Variants in NOP2 observed in about 807,000 individuals in gnomAD.
The protein encoded by NOP2 is 28S rRNA (cytosine(4447)-C(5))-methyltransferase.
In NOP2, 7 loss-of-function variants were observed where a neutral mutation model predicts 72.7. The observed-to-expected ratio is 0.10, with a 90% confidence interval of 0.05 to 0.18. The LOEUF (loss-of-function observed/expected upper bound fraction) is 0.18, where lower values mean the gene tolerates loss of function less well. Ranked by LOEUF, NOP2 falls within the 10% of genes least tolerant of loss-of-function variation. The probability of loss-of-function intolerance (pLI) is 1.00; values close to 1 mark genes in which losing one functional copy is unlikely to be tolerated. For missense variants in NOP2, 954 were observed against 1,014.7 expected (o/e 0.94, Z 0.81); for synonymous variants, 387 against 388.0 (o/e 1.00, Z 0.03).
In NOP2 at chr12:6,566,166, C is replaced by T. The variant is rs75316694; in HGVS notation, c.409G>A (p.Asp137Asn). The stretch of plus-strand genomic sequence containing the variant: ...CCATAGTCATCTACCGTATCAGCAT[C>T]GTCCTCGGAGCCCCAGAGGTCCCCG... Reference protein sequence around the residue: ...NHGDLWGSEDDADTVDDYGAD... With the variant: ...NHGDLWGSEDNADTVDDYGAD... The change falls in exon 5 of 16, where the codon GAT (aspartate) becomes AAT (asparagine). Residue 137 changes from aspartate (D) to asparagine (N), a missense_variant. Physicochemically the swap from Asp to Asn is conservative, Grantham distance 23. This residue lies in a region of NOP2 where 498 missense variants were observed against 478.3 expected (regional missense o/e 1.04). Coordinates refer to ENST00000322166, the MANE Select transcript of NOP2 (RefSeq NM_001258308.2). The T allele has an allele frequency of 9.4e-4, 1,519 of 1,614,020 alleles. 55 individuals are homozygous for T. The East Asian group carries it at 0.033, about 35-fold the overall frequency.
Position 6,556,946 on chromosome 12 carries a change from C to T in NOP2, c.*47G>A. The T allele has an allele frequency of 6.2e-7, 1 of 1,607,120 alleles. No homozygotes were observed. The highest frequency in any genetic ancestry group is 1.1e-5 in the South Asian group (1 of 90,618). ...GGCATCCTCACAGAGGCAAGAGTTC[C>T]AACCTGGTGACAATGGCAGTGAGCC... On this transcript the variant is annotated 3_prime_UTR_variant, in exon 16 of 16. Coordinates refer to ENST00000322166, the MANE Select transcript of NOP2 (RefSeq NM_001258308.2).
Position 6,561,028 on chromosome 12 carries a change from G to A in NOP2, c.1250C>T (p.Ala417Val). 6.2e-7 allele frequency: 1 copy of A among 1,613,992 alleles called. No individual in the cohort carries two copies. Among genetic ancestry groups the A allele is most frequent in the Non-Finnish European group, 8.5e-7 (1 of 1,179,898 alleles). The change falls in exon 12 of 16, where the codon GCC (alanine) becomes GTC (valine). Residue 417 changes from alanine to valine, a missense_variant. Ala to Val is a moderately conservative substitution (Grantham distance 64). Transcript: ENST00000322166. ...AACACTCTTGAGCCGCTCAGCATTG[G>A]CGTCATTGGCAAGGATCACACCCGT... The part of the protein sequence containing the change: ...KNTGVILAND[A>V]NAERLKSVVG...
In NOP2 at chr12:6,559,975, A is replaced by G. The variant is rs950840565; in HGVS notation, c.1789+123T>C. 4.7e-5 allele frequency: 34 copies of G among 721,880 alleles called. No individual in the cohort carries two copies. The African/African-American group carries it at 5.7e-4, about 12-fold the overall frequency. The allele number at this position is 721,880 out of a possible 1,614,324, so 44.7% of individuals were successfully genotyped here. On this transcript the variant is annotated intron_variant, in intron 15 of 15. Transcript: ENST00000322166. ...AATGAGAGGGTTCTCTCAGCCAAGC[A>G]TGCAAAGGCTGGAGTAAGGGATGCA...
At chr12:6,565,918 C>T (rs1423373351) in intron 5 of NOP2, among the ~76,000 whole-genome samples, 183 bp downstream of exon 5, 4 of 140,268 alleles carry the variant, frequency 2.9e-5, no homozygotes, top group Non-Finnish European at 6.0e-5. Flanking sequence ...CTCTATCCTA[C>T]AGCTCTTTCA....
At chr12:6,557,912 G>A (rs1947537912) in intron 15 of NOP2, 2 of 436,316 alleles carry the variant, frequency 4.6e-6, no homozygotes, top group Non-Finnish European at 8.3e-6. Context: ...GGAGGCCAAG[G>A]CAAGTGGATT....
chr12:6,563,781 G>A lies in NOP2; in HGVS notation c.531-10C>T. The A allele has an allele frequency of 6.2e-7, 1 of 1,612,934 alleles. No homozygotes were observed. The highest frequency in any genetic ancestry group is 8.5e-7 in the Non-Finnish European group (1 of 1,179,386). On this transcript the variant is annotated splice_polypyrimidine_tract_variant and intron_variant, in intron 6 of 15. Transcript: ENST00000322166. The stretch of plus-strand genomic sequence containing the variant: ...TTCACTCCACTGGATCCTAGAAACA[G>A]GTCCAGGAACAGAGTGATTCACAGA...
At chr12:6,557,724 TTGCC>T in intron 15 of NOP2, 82 bp from the exon 16 acceptor site, 2 of 1,421,932 alleles carry the variant, frequency 1.4e-6, no homozygotes, top group Non-Finnish European at 1.9e-6. Context: ...AATATGAGAA[TTGCC>T]ATTTCCTGGG....
Position 6,556,969 on chromosome 12 carries a change from G to A in NOP2, c.*24C>T. The A allele has an allele frequency of 1.2e-6, 2 of 1,612,998 alleles. No homozygotes were observed. The highest frequency in any genetic ancestry group is 1.7e-6 in the Non-Finnish European group (2 of 1,179,548). On this transcript the variant is annotated 3_prime_UTR_variant, in exon 16 of 16. Coordinates refer to ENST00000322166, the MANE Select transcript of NOP2 (RefSeq NM_001258308.2). ...TCCAACCTGGTGACAATGGCAGTGA[G>A]CCACCCGTCTAGTTTTCAACCATCT...
intron 7 of NOP2, 37 bp downstream of exon 7, chr12:6,563,577 C>T (rs199868176): frequency 1.2e-6 from 2 of 1,608,432 alleles, no homozygotes; most frequent in African/African-American, 2.7e-5. Flanking sequence ...TCCCAACCAC[C>T]TTCCTCCTAA....
rs370769179 is a variant in NOP2 at position 6,556,976 on chromosome 12, G to A, written c.*17C>T. 18 of 1,613,400 alleles carry A rather than the reference G, an allele frequency of 1.1e-5. No individual in the cohort carries two copies. Among genetic ancestry groups the A allele is most frequent in the South Asian group, 5.5e-5 (5 of 91,060 alleles). ...TGGTGACAATGGCAGTGAGCCACCC[G>A]TCTAGTTTTCAACCATCTAAGATAG... On this transcript the variant is annotated 3_prime_UTR_variant, in exon 16 of 16. Coordinates refer to ENST00000322166, the MANE Select transcript of NOP2 (RefSeq NM_001258308.2).
Position 6,560,511 on chromosome 12 carries a change from A to G in NOP2, c.1496T>C (p.Ile499Thr). ...CTTGGAGGTCGCATTGACAGAGTCA[A>G]TAGCACTCAGGAGCAACTCCTTCTG... is the stretch of plus-strand genomic sequence containing the variant. ...HLQKELLLSA[I>T]DSVNATSKTG... The change falls in exon 14 of 16, where the codon ATT (isoleucine) becomes ACT (threonine). Residue 499 changes from isoleucine to threonine, a missense_variant. By Grantham distance (89) the Ile-to-Thr change is moderately conservative (BLOSUM62 -1). Around this residue, in one of 3 missense-constraint regions of NOP2, gnomAD observed 187 missense variants for 276.2 expected, o/e 0.68. Transcript: ENST00000322166. This position sits in a 1 kb window ranked among gnomAD's most constrained non-coding sequence, Gnocchi z 5.0. 6.2e-7 allele frequency: 1 copy of G among 1,606,572 alleles called. No individual in the cohort carries two copies.
intron 5 of NOP2, 154 bp from the exon 6 acceptor site, chr12:6,564,100 C>T: frequency 4.0e-6 from 6 of 1,514,806 alleles, no homozygotes; most frequent in Non-Finnish European, 5.3e-6. Context: ...AAGATGGGCG[C>T]AGCATTGCTC....
chr12:6,565,664 G>A (rs571809468), intron 5 of NOP2, among the ~76,000 whole-genome samples: 4 of 151,636 alleles, frequency 2.6e-5, no homozygotes, highest in African/African-American at 4.8e-5. Flanking sequence ...TTGTAGATAC[G>A]GGATCTCCCT....
At chr12:6,565,195 C>T (rs1947747781) in intron 5 of NOP2, among the ~76,000 whole-genome samples, 1 of 150,870 alleles carries the variant, frequency 6.6e-6, no homozygotes, top group African/African-American at 2.4e-5. Flanking sequence ...ACTCTGTCAC[C>T]CAAGCTGGAG....
At chr12:6,566,928 G>A (rs1370208178) in intron 2 of NOP2, 106 bp from the exon 3 acceptor site, 3 of 881,642 alleles carry the variant, frequency 3.4e-6, no homozygotes, top group Middle Eastern at 2.2e-4. Flanking sequence ...ATTAAAAGGA[G>A]TCCATTTAAA....
chr12:6,558,977 G>T (rs1947577973), intron 15 of NOP2, among the ~76,000 whole-genome samples: 1 of 150,876 alleles, frequency 6.6e-6, no homozygotes. Flanking sequence ...CCTTTTTTTT[G>T]AGATGGAGTT....
chr12:6,561,516 G>T, intron 11 of NOP2, 148 bp downstream of exon 11: 1 of 949,898 alleles, frequency 1.1e-6, no homozygotes. Context: ...TGGAACCCAG[G>T]CCGACTCCAG....
rs1329385678 is a variant in NOP2, at chr12:6,566,037, G to A, written c.474+64C>T. ...CCTTGCCACTAAGAAACAGTCTCAA[G>A]AATCTGGGAAAGAAACTAAATAGCA... is the stretch of plus-strand genomic sequence containing the variant. On this transcript the variant is annotated intron_variant, in intron 5 of 15. Transcript: ENST00000322166. 5 of 1,377,950 alleles carry A rather than the reference G, an allele frequency of 3.6e-6. No homozygotes were observed. The South Asian group carries it at 5.0e-5, about 14-fold the overall frequency. 85.4% of individuals were successfully genotyped at this position (1,377,950 alleles called of 1,614,324 possible).
At chr12:6,561,627 C>G in intron 11 of NOP2, 37 bp downstream of exon 11, 2 of 1,606,362 alleles carry the variant, frequency 1.2e-6, no homozygotes, top group South Asian at 1.1e-5. Flanking sequence ...AAAAGCAAGA[C>G]AGCCCGATGA....
Sources: gnomAD v4.1 joint callset for allele counts (sites outside exome capture counted in the v4.1 genomes callset) on GRCh38, gnomAD v4.1.1 for gene constraint, gnomAD v4.1.1 regional missense constraint, Gnocchi (gnomAD v3.1) non-coding constraint, MANE v1.5 for transcripts, NCBI Gene and HGNC (gene_info 2026-07-23, HGNC 2026-07-21) for gene names.